CHST9: variants seen among roughly 807,000 people sequenced by gnomAD.
CHST9 encodes carbohydrate sulfotransferase 9, also known as GalNAc-4-sulfotransferase 2.
A neutral mutation model predicts 44.4 loss-of-function variants in CHST9; 41 were observed. That is an observed-to-expected ratio of 0.92 (90% confidence interval 0.72 to 1.20). CHST9 has a LOEUF of 1.20. CHST9 is among the 50% of genes most tolerant of loss of function. The pLI is 0.00. For missense variants in CHST9, 504 were observed against 516.5 expected, an observed-to-expected ratio of 0.98 and a Z score of 0.23; for synonymous variants, 171 against 178.4, an observed-to-expected ratio of 0.96 and a Z score of 0.33.
At chr18:26,946,888 G>A (rs542799679) in intron 4 of CHST9, among the ~76,000 whole-genome samples, 10 of 150,364 alleles carry the variant, frequency 6.7e-5, no homozygotes, top group Admixed American at 2.0e-4. Context: ...TATCTGTTTT[G>A]GTACCAGTAC....
chr18:26,918,139 C>T (rs377644576), intron 5 of CHST9, among the ~76,000 whole-genome samples: 1 of 152,098 alleles, frequency 6.6e-6, no homozygotes, highest in African/African-American at 2.4e-5. Context: ...CCACATCCTT[C>T]CTACAACTCT....
chr18:26,938,119 C>T (rs1005991834), intron 5 of CHST9, among the ~76,000 whole-genome samples: 1 of 152,040 alleles, frequency 6.6e-6, no homozygotes, highest in African/African-American at 2.4e-5. Context: ...TTTAAAACAT[C>T]TGAAGGCCAT....
At chr18:27,018,185 C>T (rs2057177631) in intron 4 of CHST9, among the ~76,000 whole-genome samples, 1 of 152,142 alleles carries the variant, frequency 6.6e-6, no homozygotes, top group South Asian at 2.1e-4. Context: ...CAAAAATTGA[C>T]TTTTGAGTGT....
chr18:27,167,915 G>A, intron 1 of CHST9, among the ~76,000 whole-genome samples: 1 of 152,218 alleles, frequency 6.6e-6, no homozygotes, highest in African/African-American at 2.4e-5. Context: ...CCTAAGAACT[G>A]AAATAAGACA....
intron 2 of CHST9, among the ~76,000 whole-genome samples, chr18:27,077,321 T>A (rs2057914206): frequency 1.3e-5 from 2 of 152,244 alleles, no homozygotes; most frequent in African/African-American, 4.8e-5. Context: ...TCTCTTGGAA[T>A]GTCTTAAGCT....
chr18:27,084,490 G>A (rs2143691748), intron 2 of CHST9, among the ~76,000 whole-genome samples: 1 of 150,236 alleles, frequency 6.7e-6, no homozygotes, highest in Non-Finnish European at 1.5e-5. Context: ...GGGGTTGCTG[G>A]TAATGCCCCC....
intron 2 of CHST9, among the ~76,000 whole-genome samples, chr18:27,083,038 C>A (rs1020399189): frequency 6.6e-6 from 1 of 151,926 alleles, no homozygotes; most frequent in Non-Finnish European, 1.5e-5. Flanking sequence ...GATGAAGGAT[C>A]CACAAAGAAA....
At chr18:27,023,253 T>G (rs557986335) in intron 4 of CHST9, among the ~76,000 whole-genome samples, 1 of 152,214 alleles carries the variant, frequency 6.6e-6, no homozygotes, top group Non-Finnish European at 1.5e-5. Flanking sequence ...ATTACAGATA[T>G]GCATCCCAAA....
intron 2 of CHST9, among the ~76,000 whole-genome samples, chr18:27,109,263 T>C (rs781344262): frequency 3.3e-5 from 5 of 152,128 alleles, no homozygotes; most frequent in Non-Finnish European, 7.4e-5. Context: ...AGTTAAGTTC[T>C]TAATTAAGAC....
At chr18:26,997,383 AATCCATCTTTCTAAGCC>A (rs2056898734) in intron 4 of CHST9, among the ~76,000 whole-genome samples, 1 of 152,234 alleles carries the variant, frequency 6.6e-6, no homozygotes, top group Admixed American at 6.5e-5. Flanking sequence ...AGTATAATGT[AATCCATCTTTCTAAGCC>A]ATCTGTGGGG....
At chr18:27,158,965 T>C (rs1176998831) in intron 1 of CHST9, among the ~76,000 whole-genome samples, 2 of 152,278 alleles carry the variant, frequency 1.3e-5, no homozygotes, top group African/African-American at 4.8e-5. Flanking sequence ...TGTTTGTTTT[T>C]TTCTTGTAGA....
chr18:27,073,226 G>A (rs1022478027), intron 2 of CHST9, among the ~76,000 whole-genome samples: 3 of 152,116 alleles, frequency 2.0e-5, no homozygotes, highest in African/African-American at 4.8e-5. Flanking sequence ...AGAGCAGAGC[G>A]TATGTTCTGG....
intron 4 of CHST9, among the ~76,000 whole-genome samples, chr18:26,958,389 G>A (rs2056354972): frequency 1.3e-5 from 2 of 151,562 alleles, no homozygotes; most frequent in Admixed American, 6.6e-5. Context: ...AAGAAAGGAA[G>A]CCTAGGAAAC....
At chr18:27,164,298 A>C (rs78739609) in intron 1 of CHST9, among the ~76,000 whole-genome samples, 2,651 of 151,600 alleles carry the variant, frequency 0.017, 62 homozygotes, top group African/African-American at 0.059. Flanking sequence ...CCCTATGTTT[A>C]ATAAAAAGAC....
chr18:27,039,660 A>T (rs1439392780), intron 3 of CHST9, among the ~76,000 whole-genome samples: 1 of 152,168 alleles, frequency 6.6e-6, no homozygotes, highest in African/African-American at 2.4e-5. Flanking sequence ...TAAAATGGTA[A>T]GTTTTATGTG....
intron 5 of CHST9, among the ~76,000 whole-genome samples, chr18:26,922,135 G>A (rs892754653): frequency 6.6e-6 from 1 of 152,112 alleles, no homozygotes; most frequent in African/African-American, 2.4e-5. Flanking sequence ...GCCTGGTGCT[G>A]CTGAGCCTCT....
At chr18:26,946,318 G>C (rs984114077) in intron 4 of CHST9, among the ~76,000 whole-genome samples, 2 of 152,254 alleles carry the variant, frequency 1.3e-5, no homozygotes, top group South Asian at 2.1e-4. Flanking sequence ...CCAAGAAGAG[G>C]GGGGAGAACT....
intron 2 of CHST9, among the ~76,000 whole-genome samples, chr18:27,078,629 G>A (rs935280137): frequency 6.6e-6 from 1 of 152,116 alleles, no homozygotes; most frequent in Non-Finnish European, 1.5e-5. Context: ...CACTAACAGG[G>A]ATCAGAGATG....
chr18:26,929,898 G>GC (rs1646158167), intron 5 of CHST9, among the ~76,000 whole-genome samples: 1 of 152,132 alleles, frequency 6.6e-6, no homozygotes, highest in South Asian at 2.1e-4. Context: ...GCATATACCT[G>GC]CCCCCAACCC....
Sources: gnomAD v4.1 joint callset for allele counts (sites outside exome capture counted in the v4.1 genomes callset) on GRCh38, gnomAD v4.1.1 for gene constraint, MANE v1.5 for transcripts, NCBI Gene and HGNC (gene_info 2026-07-23, HGNC 2026-07-21) for gene names.